The following EOLA1 variants were observed in gnomAD, a reference collection of about 807,000 sequenced individuals.
EOLA1 encodes protein EOLA1.
EOLA1 carries 1 observed loss-of-function variant against 4.5 expected under a neutral mutation model. The observed-to-expected ratio is 0.22, with a 90% CI of 0.08 to 1.05. The LOEUF (loss-of-function observed/expected upper bound fraction) is 1.05, where lower values mean the gene tolerates loss of function less well. Among genes scored for constraint, EOLA1 ranks in the 50% least tolerant of loss-of-function variants. The pLI is 0.57. For synonymous variants in EOLA1, 37 were observed against 52.3 expected (o/e 0.71, Z 1.26); for missense variants, 69 against 127.2 (o/e 0.54, Z 2.20).
At chrX:149,544,391 A>G (rs1444386194) in intron 2 of EOLA1, 1 of 184,835 alleles carries the variant, frequency 5.4e-6, no homozygotes, top group Non-Finnish European at 7.8e-6. Flanking sequence ...AGAGCGTACT[A>G]GAGGTTGCGT....
downstream of EOLA1, chrX:149,549,303 T>A: frequency 9.0e-7 from 1 of 1,106,557 alleles, no homozygotes. Flanking sequence ...ATTATTCAAA[T>A]TGGTGTCCTA....
In EOLA1 at chrX:149,546,769, G is replaced by A. The variant is rs782003395; in HGVS notation, c.284G>A (p.Cys95Tyr). ...GTTGACATTGGGGAAACTTTGCAAT[G>A]CCCCGAAGACTTAACTCCCGATGAG... ...GLVDIGETLQCPEDLTPDEVV... is the reference protein window; with the variant it reads ...GLVDIGETLQYPEDLTPDEVV... Residue 95 changes from cysteine (C) to tyrosine (Y), a missense_variant, in exon 5 of 5, where the codon TGC becomes TAC. Coordinates refer to ENST00000393985, the MANE Select transcript of EOLA1 (RefSeq NM_001171907.3). The A allele has an allele frequency of 2.5e-6, 3 of 1,209,587 alleles. No homozygotes were observed. Among genetic ancestry groups the A allele is most frequent in the Non-Finnish European group, 3.4e-6 (3 of 894,786 alleles).
At chrX:149,542,292 A>G (rs1170227782) in intron 2 of EOLA1, among the ~76,000 whole-genome samples, 1 of 111,508 alleles carries the variant, frequency 9.0e-6, no homozygotes, top group East Asian at 2.8e-4. Flanking sequence ...GGGGACATTC[A>G]GCCTCCATCA....
intron 4 of EOLA1, among the ~76,000 whole-genome samples, chrX:149,546,151 C>T (rs1557347779): frequency 9.2e-6 from 1 of 108,143 alleles, no homozygotes; most frequent in Admixed American, 9.8e-5. Context: ...GGGCCATGTG[C>T]ACATGGTGTT....
chrX:149,546,070 G>A lies in EOLA1; in HGVS notation c.253+187G>A, dbSNP rs782253601. Reference sequence around the variant, plus strand: ...GGGGGTTGGTATGGCTGGCTTCCACGAGTTCTGGTAAATCATTTCTCCACT... The same window carrying A: ...GGGGGTTGGTATGGCTGGCTTCCACAAGTTCTGGTAAATCATTTCTCCACT... On this transcript the variant is annotated intron_variant, in intron 4 of 4. Transcript: ENST00000393985. Among the ~76,000 whole-genome samples the A allele has an allele frequency of 1.7e-3, 179 of 108,132 alleles. 2 individuals are homozygous for A. The highest frequency in any genetic ancestry group is 2.6e-3 in the Non-Finnish European group (134 of 50,893). The allele number at this position is 108,132 out of a possible 115,157, so 93.9% of individuals were successfully genotyped here.
At chrX:149,545,907 G>T (rs1174858234) in intron 4 of EOLA1, 24 bp downstream of exon 4, 2 of 1,189,734 alleles carry the variant, frequency 1.7e-6, no homozygotes, top group Non-Finnish European at 1.1e-6. Context: ...TACCAAATGC[G>T]CAGACAACGC....
At chrX:149,545,525 G>C (rs1308532433) in intron 3 of EOLA1, 25 bp downstream of exon 3, 1 of 1,153,293 alleles carries the variant, frequency 8.7e-7, no homozygotes, top group Non-Finnish European at 1.2e-6. Flanking sequence ...GGCCACCTGA[G>C]AGACACGGGG....
rs1294242360 is a variant in EOLA1, at chrX:149,548,311, C to T, written c.*1349C>T. 2.2e-5 allele frequency: 20 copies of T among 920,979 alleles called. No homozygotes were observed. Among genetic ancestry groups the T allele is most frequent in the Non-Finnish European group, 2.7e-5 (20 of 742,450 alleles). 75.9% of individuals were successfully genotyped at this position (920,979 alleles called of 1,213,427 possible). A position where few individuals can be genotyped will look rare whatever the true frequency, so the allele number is the denominator to read the frequency against. ...TTAAAAAATGGCAACTTTTATGGGC[C>T]ATTAGTGGCCTGTGACTTCACGAAT... On this transcript the variant is annotated 3_prime_UTR_variant, in exon 5 of 5. Coordinates refer to ENST00000393985, the MANE Select transcript of EOLA1 (RefSeq NM_001171907.3).
In EOLA1 at chrX:149,547,007, A is replaced by G; in HGVS notation, c.*45A>G. 8.3e-7 allele frequency: 1 copy of G among 1,206,836 alleles called. No homozygotes were observed. Among genetic ancestry groups the G allele is most frequent in the Non-Finnish European group, 1.1e-6 (1 of 892,241 alleles). ...GGAATGTTCCAGAGAAACCAGCTAA[A>G]TCATGACACCTTCAATTTGCCATCA... On this transcript the variant is annotated 3_prime_UTR_variant, in exon 5 of 5. Transcript: ENST00000393985.
rs1460606033 is a variant in EOLA1, at chrX:149,548,178, A to C, written c.*1216A>C. 2.9e-6 allele frequency: 1 copy of C among 350,734 alleles called. No individual in the cohort carries two copies. Among genetic ancestry groups the C allele is most frequent in the Admixed American group, 6.4e-5 (1 of 15,669 alleles). 28.9% of individuals were successfully genotyped at this position (350,734 alleles called of 1,213,427 possible). A position where few individuals can be genotyped will look rare whatever the true frequency, so the allele number is the denominator to read the frequency against. ...GGTTTCTGCCAATGAGATGTATATAATATACAAGGTTAAAAAAAACACAGA... is the reference window on the plus strand; with the variant it reads ...GGTTTCTGCCAATGAGATGTATATACTATACAAGGTTAAAAAAAACACAGA... On this transcript the variant is annotated 3_prime_UTR_variant, in exon 5 of 5. Transcript: ENST00000393985.
At chrX:149,543,814 G>A (rs1557346825) in intron 2 of EOLA1, among the ~76,000 whole-genome samples, 2 of 90,287 alleles carry the variant, frequency 2.2e-5, no homozygotes, top group African/African-American at 4.4e-5. Flanking sequence ...CCTGCACCAC[G>A]GGATTCAGAG....
chrX:149,544,185 T>G (rs2089789017), intron 2 of EOLA1, among the ~76,000 whole-genome samples: 1 of 54,272 alleles, frequency 1.8e-5, no homozygotes, highest in African/African-American at 8.5e-5. Context: ...GGGCCCGGAG[T>G]GAGCCAGAGG....
intron 2 of EOLA1, among the ~76,000 whole-genome samples, chrX:149,542,393 G>T (rs2089746634): frequency 9.2e-6 from 1 of 108,817 alleles, no homozygotes; most frequent in African/African-American, 3.4e-5. Flanking sequence ...TGAGGAAATG[G>T]CACCATGGAT....
rs868937783 is a variant in EOLA1 at position 149,545,420 on chromosome X, G to A, written c.-110G>A. 2.7e-4 allele frequency: 290 copies of A among 1,081,652 alleles called. No homozygotes were observed. In the African/African-American group the frequency reaches 5.0e-3, roughly 19 times the overall value. 89.1% of individuals were successfully genotyped at this position (1,081,652 alleles called of 1,213,427 possible). On this transcript the variant is annotated 5_prime_UTR_variant, in exon 3 of 5. Transcript: ENST00000393985. ...CAAAGACTCCATGGGATGGACCTGA[G>A]TCAGCCGAATCCCAGCCCCTTCCCT...
chrX:149,550,696 A>G (rs1477986838), downstream of EOLA1, among the ~76,000 whole-genome samples: 1 of 101,635 alleles, frequency 9.8e-6, no homozygotes, highest in Admixed American at 1.0e-4. Flanking sequence ...TTGCCCTTGC[A>G]TCTCACCCTC....
rs2089886230 is a variant in EOLA1 at position 149,548,321 on chromosome X, C to A, written c.*1359C>A. The A allele has an allele frequency of 1.1e-6, 1 of 928,355 alleles. No individual in the cohort carries two copies. The highest frequency in any genetic ancestry group is 6.0e-5 in the South Asian group (1 of 16,704). The allele number at this position is 928,355 out of a possible 1,213,427, so 76.5% of individuals were successfully genotyped here. A position where few individuals can be genotyped will look rare whatever the true frequency, so the allele number is the denominator to read the frequency against. ...GCAACTTTTATGGGCCATTAGTGGC[C>A]TGTGACTTCACGAATTTGCAGTGTT... On this transcript the variant is annotated 3_prime_UTR_variant, in exon 5 of 5. Coordinates refer to ENST00000393985, the MANE Select transcript of EOLA1 (RefSeq NM_001171907.3).
chrX:149,544,831 C>G (rs1947099702), intron 2 of EOLA1: 2 of 753,815 alleles, frequency 2.7e-6, no homozygotes, highest in Non-Finnish European at 3.1e-6. Flanking sequence ...CTTGAAGATT[C>G]AATTTGATGA....
Sources: gnomAD v4.1 joint callset for allele counts (sites outside exome capture counted in the v4.1 genomes callset) on GRCh38, gnomAD v4.1.1 for gene constraint, MANE v1.5 for transcripts, NCBI Gene and HGNC (gene_info 2026-07-23, HGNC 2026-07-21) for gene names.